The following ADH4 variants were observed in gnomAD, a reference collection of about 807,000 sequenced individuals.
ADH4 encodes alcohol dehydrogenase 4 (class II), pi polypeptide, also known as all-trans-retinol dehydrogenase [NAD(+)] ADH4.
Under a neutral mutation model 35.2 loss-of-function variants are expected in ADH4, and 31 were observed. The observed-to-expected ratio is 0.88, with a 90% CI of 0.66 to 1.19. The LOEUF (loss-of-function observed/expected upper bound fraction) is 1.19, where lower values mean the gene tolerates loss of function less well. Ranked by LOEUF, ADH4 falls within the 50% of genes most tolerant of loss-of-function variation. ADH4 has a pLI of 0.00. For synonymous variants in ADH4, 171 were observed against 160.2 expected, an observed-to-expected ratio of 1.07 and a Z score of -0.51; for missense variants, 476 against 458.3, an observed-to-expected ratio of 1.04 and a Z score of -0.35.
At chr4:99,129,846 T>C (rs1201337242) in intron 6 of ADH4, among the ~76,000 whole-genome samples, 1 of 152,210 alleles carries the variant, frequency 6.6e-6, no homozygotes, top group Non-Finnish European at 1.5e-5. Context: ...AAATTTCTCA[T>C]GCAGTTACTA....
chr4:99,144,071 A>T lies in ADH4; in HGVS notation c.18+134T>A, dbSNP rs777334226. The T allele has an allele frequency of 3.2e-6, 3 of 940,876 alleles. No individual in the cohort carries two copies. The Admixed American group carries it at 6.3e-5, about 20-fold the overall frequency. The allele number at this position is 940,876 out of a possible 1,614,324, so 58.3% of individuals were successfully genotyped here. On this transcript the variant is annotated intron_variant, in intron 1 of 8. Transcript: ENST00000265512. ...AATTTCCCTAGAATAAATTCCTGGCATAGGGGTCACTCATATCCTTTTGAT... is the reference window on the plus strand; with the variant it reads ...AATTTCCCTAGAATAAATTCCTGGCTTAGGGGTCACTCATATCCTTTTGAT...
At chr4:99,132,774 G>A (rs1729328063) in intron 5 of ADH4, among the ~76,000 whole-genome samples, 1 of 152,094 alleles carries the variant, frequency 6.6e-6, no homozygotes. Flanking sequence ...ATGCAAAGCT[G>A]TTAGGATTAA....
At chr4:99,129,273 A>C (rs1472787891) in intron 6 of ADH4, among the ~76,000 whole-genome samples, 1 of 152,106 alleles carries the variant, frequency 6.6e-6, no homozygotes, top group East Asian at 1.9e-4. Flanking sequence ...AAAGAATCTT[A>C]TGGTAAAATC....
At chr4:99,137,107 G>A (rs1410595086) in intron 4 of ADH4, among the ~76,000 whole-genome samples, 1 of 146,416 alleles carries the variant, frequency 6.8e-6, no homozygotes, top group Non-Finnish European at 1.5e-5. Context: ...GCACCACTAC[G>A]CCTGGCTAAT....
intron 6 of ADH4, among the ~76,000 whole-genome samples, chr4:99,128,857 T>C (rs1248758426): frequency 6.6e-6 from 1 of 152,020 alleles, no homozygotes; most frequent in East Asian, 1.9e-4. Flanking sequence ...TACAGTGGAG[T>C]GGCGTGATCA....
chr4:99,135,435 GA>G (rs1283563270), intron 5 of ADH4, among the ~76,000 whole-genome samples: 1 of 151,960 alleles, frequency 6.6e-6, no homozygotes, highest in Non-Finnish European at 1.5e-5. Flanking sequence ...TCTCAAAAAA[GA>G]AAAAAATTTG....
rs768205793 is a variant in ADH4 at position 99,136,490 on chromosome 4, A to G, written c.558T>C (p.Tyr186=). Residue 186 remains tyrosine (Y), a synonymous_variant, in exon 5 of 9, where the codon TAT becomes TAC. Transcript: ENST00000265512. ...CCTTGGCATTGTTGATTGCAGCCCCATAGCCAGTTGAAAACCCACATCCAA... is the reference window on the plus strand; with the variant it reads ...CCTTGGCATTGTTGATTGCAGCCCCGTAGCCAGTTGAAAACCCACATCCAA... ...CLLGCGFSTG[Y]GAAINNAKVT... 3 of 1,614,126 alleles carry G rather than the reference A, an allele frequency of 1.9e-6. No homozygotes were observed. Among genetic ancestry groups the G allele is most frequent in the Non-Finnish European group, 2.5e-6 (3 of 1,180,002 alleles).
At chr4:99,142,972 G>T in intron 1 of ADH4, 192 bp from the exon 2 acceptor site, 2 of 617,374 alleles carry the variant, frequency 3.2e-6, no homozygotes, top group Admixed American at 5.7e-5. Flanking sequence ...AGAAAAATAA[G>T]AAGTTAAATT....
At chr4:99,132,782 TA>T (rs1282480049) in intron 5 of ADH4, among the ~76,000 whole-genome samples, 4 of 152,226 alleles carry the variant, frequency 2.6e-5, no homozygotes, top group African/African-American at 7.2e-5. Context: ...CTGTTAGGAT[TA>T]AAACATAAAC....
chr4:99,144,091 T>G, intron 1 of ADH4, 114 bp downstream of exon 1: 1 of 1,257,652 alleles, frequency 8.0e-7, no homozygotes, highest in Non-Finnish European at 1.2e-6. Context: ...CTCATATCCT[T>G]TTGATCAACT....
Position 99,131,632 on chromosome 4 carries a change from T to TA in ADH4, c.714dup (p.Lys239Ter), listed in dbSNP as rs759854135. The TA allele has an allele frequency of 1.2e-6, 2 of 1,614,184 alleles. No homozygotes were observed. Among genetic ancestry groups the TA allele is most frequent in the Non-Finnish European group, 1.7e-6 (2 of 1,180,016 alleles). On this transcript the variant is annotated frameshift_variant, in exon 6 of 9. Transcript: ENST00000265512. LOFTEE classifies it high-confidence loss of function. ...AGGCAGTCAGTGGCTCCCAGGGCTT[T>TA]AGCCTTCACAAACTTCTCACTGTTG...
intron 6 of ADH4, among the ~76,000 whole-genome samples, chr4:99,130,677 C>T (rs1729243746): frequency 6.6e-6 from 1 of 152,166 alleles, no homozygotes; most frequent in African/African-American, 2.4e-5. Flanking sequence ...ACTTTTAGGT[C>T]AGTGGTTCTC....
chr4:99,141,481 A>G (rs902094291), intron 3 of ADH4, 60 bp downstream of exon 3: 2 of 1,514,318 alleles, frequency 1.3e-6, no homozygotes, highest in Non-Finnish European at 1.8e-6. Context: ...CCAGGACTCT[A>G]TCAATAATTA....
chr4:99,127,305 A>G lies in ADH4; in HGVS notation c.883T>C (p.Cys295Arg), dbSNP rs200069768. ...LDCTTAGWGSCTFIGVAAGSK... is the reference protein window; with the variant it reads ...LDCTTAGWGSRTFIGVAAGSK... ...CCAGCAGCTACTCCAATGAAAGTAC[A>G]TGATCCCCAGCCTGCGGTTGTACAG... Residue 295 changes from cysteine (C) to arginine (R), a missense_variant, in exon 7 of 9, where the codon TGT (cysteine) becomes CGT (arginine). Cys to Arg is a radical substitution (Grantham distance 180). Coordinates refer to ENST00000265512, the MANE Select transcript of ADH4 (RefSeq NM_000670.5). 3.1e-6 allele frequency: 5 copies of G among 1,612,586 alleles called. No homozygotes were observed. In the Admixed American group the frequency reaches 6.7e-5, roughly 22 times the overall value.
In ADH4 at chr4:99,131,590, G is replaced by GT; in HGVS notation, c.756dup (p.His253ThrfsTer2). The GT allele has an allele frequency of 6.2e-7, 1 of 1,614,136 alleles. No homozygotes were observed. The highest frequency in any genetic ancestry group is 8.5e-7 in the Non-Finnish European group (1 of 1,180,004). On this transcript the variant is annotated frameshift_variant, in exon 6 of 9. Coordinates refer to ENST00000265512, the MANE Select transcript of ADH4 (RefSeq NM_000670.5). LOFTEE classifies it high-confidence loss of function. ...ATGATAACTTCCTGGATCGGTTTAT[G>GT]TAAGTCTCTAGGATTGAGGCAGTCA...
intron 6 of ADH4, among the ~76,000 whole-genome samples, chr4:99,129,049 C>T (rs13107558): frequency 6.6e-6 from 1 of 151,902 alleles, no homozygotes; most frequent in African/African-American, 2.4e-5. Context: ...GTCTGCCCAC[C>T]TCAGCCTTCC....
intron 2 of ADH4, 109 bp from the exon 3 acceptor site, chr4:99,141,791 A>G: frequency 2.0e-6 from 2 of 1,009,618 alleles, no homozygotes; most frequent in Middle Eastern, 4.8e-4. Context: ...TAAGACTTCT[A>G]GAACTCAATA....
chr4:99,123,713 T>A lies in ADH4; in HGVS notation c.*729A>T, dbSNP rs1433590842. The A allele has an allele frequency of 6.6e-6, 1 of 152,222 alleles. No homozygotes were observed. The highest frequency in any genetic ancestry group is 1.5e-5 in the Non-Finnish European group (1 of 68,042). 9.4% of individuals were successfully genotyped at this position (152,222 alleles called of 1,614,324 possible). A position where few individuals can be genotyped will look rare whatever the true frequency, so the allele number is the denominator to read the frequency against. ...GTGTTACAAACAATCCATTATACTC[T>A]TTTAGTCATATTAAAATATACAATT... On this transcript the variant is annotated 3_prime_UTR_variant, in exon 9 of 9. Transcript: ENST00000265512.
intron 5 of ADH4, among the ~76,000 whole-genome samples, chr4:99,134,380 G>A (rs1476710355): frequency 2.0e-5 from 3 of 151,746 alleles, no homozygotes; most frequent in East Asian, 1.9e-4. Flanking sequence ...ATTCTACAGT[G>A]TATATATATA....
Sources: gnomAD v4.1 joint callset for allele counts (sites outside exome capture counted in the v4.1 genomes callset) on GRCh38, gnomAD v4.1.1 for gene constraint, MANE v1.5 for transcripts, NCBI Gene and HGNC (gene_info 2026-07-23, HGNC 2026-07-21) for gene names.